The following C8orf34 variants were observed in gnomAD, a reference collection of about 807,000 sequenced individuals.
C8orf34 encodes the protein chromosome 8 open reading frame 34, also known as uncharacterized protein C8orf34.
In C8orf34, 65 loss-of-function variants were observed where a neutral mutation model predicts 68.3. The ratio of observed to expected loss-of-function variants is 0.95; its 90% CI spans 0.78 to 1.17. The LOEUF (loss-of-function observed/expected upper bound fraction) is 1.17. C8orf34 is among the 50% of genes most tolerant of loss of function. The probability of loss-of-function intolerance (pLI) is 0.00; values close to 1 mark genes in which losing one functional copy is unlikely to be tolerated. For synonymous variants in C8orf34, 244 were observed against 241.2 expected (o/e 1.01, Z -0.11); for missense variants, 664 against 655.4 (o/e 1.01, Z -0.14).
chr8:68,659,510 G>GA (rs1819609563), intron 8 of C8orf34, among the ~76,000 whole-genome samples: 1 of 152,112 alleles, frequency 6.6e-6, no homozygotes, highest in African/African-American at 2.4e-5. Context: ...ATTTTACAGT[G>GA]TATTTTATAT....
At chr8:68,719,164 T>C (rs1488877500) in intron 9 of C8orf34, among the ~76,000 whole-genome samples, 1 of 152,158 alleles carries the variant, frequency 6.6e-6, no homozygotes. Context: ...ACCTTCATGG[T>C]GTCTCTGGTC....
chr8:68,426,295 A>T (rs1810211916), intron 1 of C8orf34, among the ~76,000 whole-genome samples: 1 of 152,054 alleles, frequency 6.6e-6, no homozygotes, highest in African/African-American at 2.4e-5. Flanking sequence ...ATGCTGGTGG[A>T]TCACTTGAGG....
In C8orf34 at chr8:68,521,954, C is replaced by G; in HGVS notation, c.921C>G (p.Gly307=). ...KNDQWESEDS[G]SSPAGSLKME... Reference sequence around the variant, plus strand: ...ACCAATGGGAAAGTGAAGATAGTGGCTCTAGTCCTGCAGGAAGGTGAGATG... The same window carrying G: ...ACCAATGGGAAAGTGAAGATAGTGGGTCTAGTCCTGCAGGAAGGTGAGATG... The change falls in exon 6 of 14, where the codon GGC becomes GGG. Residue 307 remains glycine (G), a synonymous_variant. Transcript: ENST00000518698. 6.2e-7 allele frequency: 1 copy of G among 1,613,942 alleles called. No homozygotes were observed. The highest frequency in any genetic ancestry group is 8.5e-7 in the Non-Finnish European group (1 of 1,179,940).
intron 10 of C8orf34, among the ~76,000 whole-genome samples, chr8:68,770,001 T>G (rs1823293549): frequency 6.6e-6 from 1 of 152,068 alleles, no homozygotes; most frequent in South Asian, 2.1e-4. Flanking sequence ...AAGGAAGAAG[T>G]TCCCAAGTAG....
intron 3 of C8orf34, among the ~76,000 whole-genome samples, chr8:68,456,122 G>A (rs1811540284): frequency 6.6e-6 from 1 of 151,472 alleles, no homozygotes; most frequent in African/African-American, 2.4e-5. Context: ...AGGGCGTGGT[G>A]GTGGGTGCCT....
At chr8:68,715,438 C>G (rs1821443918) in intron 9 of C8orf34, among the ~76,000 whole-genome samples, 2 of 151,852 alleles carry the variant, frequency 1.3e-5, no homozygotes. Context: ...AAAAAACTAA[C>G]AATCCTATCA....
intron 8 of C8orf34, among the ~76,000 whole-genome samples, chr8:68,671,483 C>T (rs1300572341): frequency 6.6e-6 from 1 of 152,110 alleles, no homozygotes; most frequent in East Asian, 1.9e-4. Context: ...AGTCTTGGTT[C>T]ACTCTGAGAA....
rs200881587 is a variant in C8orf34 at position 68,816,138 on chromosome 8, C to G, written c.1609+193C>G. Among the ~76,000 whole-genome samples, 8 of 146,754 alleles carry G rather than the reference C, an allele frequency of 5.5e-5. No individual in the cohort carries two copies. In the East Asian group the frequency reaches 6.1e-4, roughly 11 times the overall value. On this transcript the variant is annotated intron_variant, in intron 13 of 13. Transcript: ENST00000518698. ...TGTGTGTGTGTGTGTGTGTGTTTCT[C>G]TGTGTGTGTGTGTGTGTGTGTGCAT...
At chr8:68,712,003 C>A (rs188392511) in intron 9 of C8orf34, among the ~76,000 whole-genome samples, 22 of 152,180 alleles carry the variant, frequency 1.4e-4, no homozygotes, top group Non-Finnish European at 1.8e-4. Flanking sequence ...AGAAACCCTA[C>A]AACCCAGAAG....
At chr8:68,395,666 A>G (rs544966916) in intron 1 of C8orf34, among the ~76,000 whole-genome samples, 1 of 152,296 alleles carries the variant, frequency 6.6e-6, no homozygotes, top group South Asian at 2.1e-4. Context: ...CTTGTGGTTT[A>G]GGAGTTCATA....
intron 8 of C8orf34, among the ~76,000 whole-genome samples, chr8:68,658,918 C>T (rs1819588980): frequency 2.0e-5 from 3 of 152,152 alleles, no homozygotes; most frequent in Non-Finnish European, 4.4e-5. Flanking sequence ...GCTCACCTAT[C>T]ATAACCTCCT....
At position 68,762,275 on chromosome 8, in the gene C8orf34, G is replaced by A. The variant is rs142136594; in HGVS notation, c.1405-14124G>A. 5.0e-3 allele frequency among the ~76,000 whole-genome samples: 767 copies of A among 152,272 alleles called. 5 individuals carry two copies. Among genetic ancestry groups the A allele is most frequent in the African/African-American group, 0.017 (696 of 41,546 alleles). On this transcript the variant is annotated intron_variant, in intron 10 of 13. Coordinates refer to ENST00000518698, the MANE Select transcript of C8orf34 (RefSeq NM_052958.4). ...AATCTTTAAGAATATTGAGGTTGCC[G>A]TTTCATAACTTGACTTTATTAAACT...
chr8:68,622,333 G>A (rs2130641807), intron 7 of C8orf34, among the ~76,000 whole-genome samples: 1 of 152,328 alleles, frequency 6.6e-6, no homozygotes, highest in Middle Eastern at 3.4e-3. Flanking sequence ...GACTTTCAAT[G>A]AGGGAGGAAA....
At chr8:68,739,969 T>A (rs879605230) in intron 10 of C8orf34, among the ~76,000 whole-genome samples, 1 of 152,162 alleles carries the variant, frequency 6.6e-6, no homozygotes, top group African/African-American at 2.4e-5. Flanking sequence ...AACTATCTGA[T>A]CTTCAACAAA....
intron 7 of C8orf34, among the ~76,000 whole-genome samples, chr8:68,620,274 G>C (rs1818349009): frequency 6.6e-6 from 1 of 152,152 alleles, no homozygotes; most frequent in Non-Finnish European, 1.5e-5. Flanking sequence ...ACTTAATGAG[G>C]CGCAAAGGGA....
intron 12 of C8orf34, among the ~76,000 whole-genome samples, chr8:68,788,174 G>A (rs961738992): frequency 2.0e-5 from 3 of 152,136 alleles, no homozygotes; most frequent in Admixed American, 6.5e-5. Context: ...TATTTTTCTA[G>A]TGGTAGCCCT....
At chr8:68,594,034 T>A (rs2130453883) in intron 7 of C8orf34, among the ~76,000 whole-genome samples, 1 of 152,228 alleles carries the variant, frequency 6.6e-6, no homozygotes, top group Non-Finnish European at 1.5e-5. Context: ...AGACAGAAGT[T>A]TTTTTAAAAA....
chr8:68,495,203 G>T (rs1317859596), intron 5 of C8orf34, among the ~76,000 whole-genome samples: 1 of 151,322 alleles, frequency 6.6e-6, no homozygotes, highest in Non-Finnish European at 1.5e-5. Context: ...GCTATCTTTA[G>T]CTCTTATTAC....
At chr8:68,663,297 T>C (rs1416971647) in intron 8 of C8orf34, among the ~76,000 whole-genome samples, 1 of 152,274 alleles carries the variant, frequency 6.6e-6, no homozygotes, top group Non-Finnish European at 1.5e-5. Flanking sequence ...TTTGCTCATT[T>C]ATCTGGGTTA....
Sources: gnomAD v4.1 joint callset for allele counts (sites outside exome capture counted in the v4.1 genomes callset) on GRCh38, gnomAD v4.1.1 for gene constraint, MANE v1.5 for transcripts, NCBI Gene and HGNC (gene_info 2026-07-23, HGNC 2026-07-21) for gene names.